Variants in POM121L2 observed in about 807,000 individuals in gnomAD.
POM121L2 encodes the protein POM121-like protein 2.
For synonymous variants in POM121L2, 459 were observed against 483.8 expected (o/e 0.95, Z 0.67); for missense variants, 1,167 against 1,260.3 (o/e 0.93, Z 1.12).
chr6:27,311,807 T>C lies in POM121L2; in HGVS notation c.364A>G (p.Ile122Val), dbSNP rs1209103550. ...GGCACTCTCTGGTCAGGAGGAGTGA[T>C]CCTGATGGTCACTGGGCTCCAAATT... ...RPIWSPVTIR[I>V]TPPDQRVPPS... is the part of the protein sequence containing the mutation. The change falls in exon 1 of 1, where the codon ATC becomes GTC. Residue 122 changes from isoleucine to valine, a missense_variant. Transcript: ENST00000444565. 2 of 1,551,754 alleles carry C rather than the reference T, an allele frequency of 1.3e-6. No individual in the cohort carries two copies. Among genetic ancestry groups the C allele is most frequent in the South Asian group, 2.4e-5 (2 of 84,066 alleles).
chr6:27,310,040 G>A, intron 1 of POM121L2: 1 of 1,552,220 alleles, frequency 6.4e-7, no homozygotes, highest in Non-Finnish European at 8.7e-7. Flanking sequence ...GGGGATATCT[G>A]TACAACACTG....
Position 27,311,589 on chromosome 6 carries a change from C to T in POM121L2, c.582G>A (p.Ser194=), listed in dbSNP as rs1275768293. The change falls in exon 1 of 1, where the codon TCG becomes TCA. Residue 194 remains serine, a synonymous_variant. Transcript: ENST00000444565. ...CATTTTTCATCAGGGGCTTAAATGCCGATGGTCTGGTCTCTGGACTCCTTC... is the reference window on the plus strand; with the variant it reads ...CATTTTTCATCAGGGGCTTAAATGCTGATGGTCTGGTCTCTGGACTCCTTC... ...SKRRSPETRP[S]AFKPLMKNGT... The T allele has an allele frequency of 7.7e-6, 12 of 1,551,704 alleles. No homozygotes were observed. The Admixed American group carries it at 1.6e-4, about 20-fold the overall frequency.
In POM121L2 at chr6:27,311,768, G is replaced by A. The variant is rs1760749616; in HGVS notation, c.403C>T (p.Pro135Ser). ...CCTGCAAGGGCAATTACATCTTCAG[G>A]AGAAGTGGAAGGGGGCACTCTCTGG... ...PDQRVPPSTS[P>S]EDVIALAGLP... The change falls in exon 1 of 1, where the codon CCT becomes TCT. Residue 135 changes from proline to serine, a missense_variant. Physicochemically the swap from Pro to Ser is moderately conservative, Grantham distance 74. Coordinates refer to ENST00000444565, the MANE Select transcript of POM121L2 (RefSeq NM_033482.4). 17 of 1,551,808 alleles carry A rather than the reference G, an allele frequency of 1.1e-5. No homozygotes were observed. Among genetic ancestry groups the A allele is most frequent in the Non-Finnish European group, 1.3e-5 (15 of 1,147,010 alleles).
chr6:27,312,055 T>C lies in POM121L2; in HGVS notation c.116A>G (p.His39Arg). 6.6e-7 allele frequency: 1 copy of C among 1,521,364 alleles called. No homozygotes were observed. Among genetic ancestry groups the C allele is most frequent in the South Asian group, 1.3e-5 (1 of 79,428 alleles). 94.2% of individuals were successfully genotyped at this position (1,521,364 alleles called of 1,614,324 possible). The part of the protein sequence containing the change: ...RRPPQPLHQV[H>R]RVQFVHRAHP... ...GGCGCGGTGGACGAACTGAACCCGATGAACTTGGTGAAGGGGCTGAGGTGG... is the reference window on the plus strand; with the variant it reads ...GGCGCGGTGGACGAACTGAACCCGACGAACTTGGTGAAGGGGCTGAGGTGG... The change falls in exon 1 of 1, where the codon CAT (histidine) becomes CGT (arginine). Residue 39 changes from histidine (H) to arginine (R), a missense_variant. Transcript: ENST00000444565. This position sits in a 1 kb window ranked among gnomAD's most constrained non-coding sequence, Gnocchi z 6.7.
In POM121L2 at chr6:27,308,460, G is replaced by C. The variant is rs1207045647; in HGVS notation, c.*603C>G. Among the ~76,000 whole-genome samples the C allele has an allele frequency of 1.3e-5, 2 of 152,144 alleles. No homozygotes were observed. The highest frequency in any genetic ancestry group is 4.8e-5 in the African/African-American group (2 of 41,430). On this transcript the variant is annotated 3_prime_UTR_variant, in exon 1 of 1. Coordinates refer to ENST00000444565, the MANE Select transcript of POM121L2 (RefSeq NM_033482.4). ...TTCTTCAACAGGTGAATGGATAAAT[G>C]AACTGTGGTATACTCATACAACTGA...
Position 27,309,854 on chromosome 6 carries a change from G to T in POM121L2, c.2317C>A (p.Gln773Lys), listed in dbSNP as rs868467473. ...CCATTTGTGGCACCAAATGCAGGCT[G>T]GGGATTAGCTCCTTGGGATAGTGGG... Reference protein sequence around the residue: ...PFPLSQGANPQPAFGATNGQK... With the variant: ...PFPLSQGANPKPAFGATNGQK... Residue 773 changes from glutamine to lysine, a missense_variant, in exon 1 of 1, where the codon CAG becomes AAG. By Grantham distance (53) the Gln-to-Lys change is moderately conservative. Coordinates refer to ENST00000444565, the MANE Select transcript of POM121L2 (RefSeq NM_033482.4). 3.9e-6 allele frequency: 6 copies of T among 1,551,640 alleles called. No individual in the cohort carries two copies.
At position 27,311,312 on chromosome 6, in the gene POM121L2, T is replaced by C. The variant is rs1441926858; in HGVS notation, c.859A>G (p.Lys287Glu). 5 of 1,551,558 alleles carry C rather than the reference T, an allele frequency of 3.2e-6. No individual in the cohort carries two copies. The highest frequency in any genetic ancestry group is 4.4e-6 in the Non-Finnish European group (5 of 1,147,016). The change falls in exon 1 of 1, where the codon AAA becomes GAA. Residue 287 changes from lysine (K) to glutamate (E), a missense_variant. Lys to Glu is a moderately conservative substitution (Grantham distance 56). Coordinates refer to ENST00000444565, the MANE Select transcript of POM121L2 (RefSeq NM_033482.4). ...VSFETPEWPI[K>E]KEKSCHRPSS... ...GGCCGATGACAACTTTTTTCCTTTTTTATTGGCCACTCTGGTGTCTCGAAT... is the reference window on the plus strand; with the variant it reads ...GGCCGATGACAACTTTTTTCCTTTTCTATTGGCCACTCTGGTGTCTCGAAT...
Position 27,310,723 on chromosome 6 carries a change from G to A in POM121L2, c.1448C>T (p.Pro483Leu), listed in dbSNP as rs1195433131. The change falls in exon 1 of 1, where the codon CCG becomes CTG. Residue 483 changes from proline (P) to leucine (L), a missense_variant. Physicochemically the swap from Pro to Leu is moderately conservative, Grantham distance 98. Transcript: ENST00000444565. Reference sequence around the variant, plus strand: ...CCTGTCAGCCTGAGAGGTTGAAGGCGGCCAGGTGGTGTCAGTAACTGGTAA... The same window carrying A: ...CCTGTCAGCCTGAGAGGTTGAAGGCAGCCAGGTGGTGTCAGTAACTGGTAA... ...PTLPVTDTTW[P>L]PSTSQADRSP... The A allele has an allele frequency of 5.2e-6, 8 of 1,551,786 alleles. No individual in the cohort carries two copies. The highest frequency in any genetic ancestry group is 2.4e-5 in the South Asian group (2 of 84,066).
Position 27,308,709 on chromosome 6 carries a change from C to T in POM121L2, c.*354G>A, listed in dbSNP as rs183979155. 2.0e-4 allele frequency among the ~76,000 whole-genome samples: 30 copies of T among 152,090 alleles called. No homozygotes were observed. Among genetic ancestry groups the T allele is most frequent in the African/African-American group, 6.5e-4 (27 of 41,490 alleles). On this transcript the variant is annotated 3_prime_UTR_variant, in exon 1 of 1. Transcript: ENST00000444565. ...CCAGCAGTAGGGATGGCAGGATGTA[C>T]GAAAAGATGTTCTAATTGATAGACA...
chr6:27,309,246 G>A lies in POM121L2; in HGVS notation c.2925C>T (p.Val975=), dbSNP rs762863472. ...TGCTGCCTGCCTTAGCTTGTCCAGG[G>A]ACTGGGGTGTTTTGAGCAATGGGGG... The part of the protein sequence containing the change: ...TMAPIAQNTP[V]PGQAKAGSSV... Residue 975 remains valine, a synonymous_variant, in exon 1 of 1, where the codon GTC becomes GTT. Coordinates refer to ENST00000444565, the MANE Select transcript of POM121L2 (RefSeq NM_033482.4). The A allele has an allele frequency of 2.1e-5, 32 of 1,551,716 alleles. No individual in the cohort carries two copies. Among genetic ancestry groups the A allele is most frequent in the Non-Finnish European group, 2.8e-5 (32 of 1,147,016 alleles).
rs1380795440 is a variant in POM121L2, at chr6:27,309,746, G to T, written c.2425C>A (p.Pro809Thr). The T allele has an allele frequency of 1.3e-6, 2 of 1,551,706 alleles. No individual in the cohort carries two copies. The highest frequency in any genetic ancestry group is 1.4e-5 in the African/African-American group (1 of 73,162). Reference protein sequence around the residue: ...FLFGSSAVALPTPMPTPAQPA... With the variant: ...FLFGSSAVALTTPMPTPAQPA... Reference sequence around the variant, plus strand: ...TGAGCTGGAGTTGGCATGGGGGTTGGCAATGCCACTGCTGAGCTCCCAAAA... The same window carrying T: ...TGAGCTGGAGTTGGCATGGGGGTTGTCAATGCCACTGCTGAGCTCCCAAAA... The change falls in exon 1 of 1, where the codon CCA becomes ACA. Residue 809 changes from proline (P) to threonine (T), a missense_variant. By Grantham distance (38) the Pro-to-Thr change is conservative. Transcript: ENST00000444565.
In POM121L2 at chr6:27,310,293, G is replaced by C. The variant is rs1760726754; in HGVS notation, c.1878C>G (p.Thr626=). The C allele has an allele frequency of 1.7e-5, 27 of 1,552,200 alleles. No homozygotes were observed. Among genetic ancestry groups the C allele is most frequent in the Non-Finnish European group, 2.2e-5 (25 of 1,147,136 alleles). ...LVKATSVVMS[T]TLASTSKDSV... ...AGTCTTTAGATGTGCTGGCTAGGGT[G>C]GTGGACATGACCACAGAGGTGGCCT... Residue 626 remains threonine (T), a synonymous_variant, in exon 1 of 1, where the codon ACC becomes ACG. Transcript: ENST00000444565.
At position 27,309,159 on chromosome 6, in the gene POM121L2, T is replaced by A. The variant is rs371296359; in HGVS notation, c.3012A>T (p.Arg1004Ser). Residue 1004 changes from arginine (R) to serine (S), a missense_variant, in exon 1 of 1, where the codon AGA (arginine) becomes AGT (serine). Physicochemically the swap from Arg to Ser is moderately radical, Grantham distance 110 (BLOSUM62 -1). Transcript: ENST00000444565. ...AQGSVGRGPF[R>S]SSASSFSIGA... Reference sequence around the variant, plus strand: ...CAATGGAAAATGAAGAGGCTGATGATCTAAAAGGTCCTCTCCCAACAGAGC... The same window carrying A: ...CAATGGAAAATGAAGAGGCTGATGAACTAAAAGGTCCTCTCCCAACAGAGC... 1 of 1,551,750 alleles carries A rather than the reference T, an allele frequency of 6.4e-7. No individual in the cohort carries two copies. Among genetic ancestry groups the A allele is most frequent in the Non-Finnish European group, 8.7e-7 (1 of 1,147,002 alleles).
Position 27,312,174 on chromosome 6 carries a change from G to T in POM121L2, c.-4C>A. ...GTTTGCTCAGGAAACTGCCCATGAG[G>T]AGAGATGAGGCGCGGGCAGTGAGTT... is the stretch of plus-strand genomic sequence containing the variant. On this transcript the variant is annotated 5_prime_UTR_variant, in exon 1 of 1. Coordinates refer to ENST00000444565, the MANE Select transcript of POM121L2 (RefSeq NM_033482.4). The surrounding 1 kb of genome is among the most constrained non-coding windows in gnomAD (Gnocchi z 6.7). The T allele has an allele frequency of 7.0e-7, 1 of 1,437,538 alleles. No individual in the cohort carries two copies. The highest frequency in any genetic ancestry group is 9.1e-7 in the Non-Finnish European group (1 of 1,094,296). 89.0% of individuals were successfully genotyped at this position (1,437,538 alleles called of 1,614,324 possible).
chr6:27,308,942 A>T lies in POM121L2; in HGVS notation c.*121T>A. ...GATGTAGATTAGGACACACAGTGTG[A>T]ACATCTAAAGCTCCAGTTTTAGATC... On this transcript the variant is annotated 3_prime_UTR_variant, in exon 1 of 1. Coordinates refer to ENST00000444565, the MANE Select transcript of POM121L2 (RefSeq NM_033482.4). 1 of 762,458 alleles carries T rather than the reference A, an allele frequency of 1.3e-6. No homozygotes were observed. 47.2% of individuals were successfully genotyped at this position (762,458 alleles called of 1,614,324 possible). A position where few individuals can be genotyped will look rare whatever the true frequency, so the allele number is the denominator to read the frequency against.
In POM121L2 at chr6:27,311,421, G is replaced by T; in HGVS notation, c.750C>A (p.Ser250Arg). Residue 250 changes from serine to arginine, a missense_variant, in exon 1 of 1, where the codon AGC becomes AGA. By Grantham distance (110) the Ser-to-Arg change is moderately radical. Coordinates refer to ENST00000444565, the MANE Select transcript of POM121L2 (RefSeq NM_033482.4). ...LASIYRGGTL[S>R]SKRNAIGSSY... is the part of the protein sequence containing the mutation. ...AGCTGCCAATAGCATTCCTTTTGGA[G>T]CTGAGGGTGCCACCTCTGTATATGC... 1 of 1,551,818 alleles carries T rather than the reference G, an allele frequency of 6.4e-7. No individual in the cohort carries two copies. Among genetic ancestry groups the T allele is most frequent in the Non-Finnish European group, 8.7e-7 (1 of 1,147,032 alleles).
In POM121L2 at chr6:27,309,378, G is replaced by A; in HGVS notation, c.2793C>T (p.Thr931=). ...IGALPSGTTN[T]MIPFGKGWSQ... ...TCCAGCCTTTTCCAAAGGGGATCAT[G>A]GTGTTAGTGGTCCCACTAGGCAATG... is the stretch of plus-strand genomic sequence containing the variant. Residue 931 remains threonine (T), a synonymous_variant, in exon 1 of 1, where the codon ACC becomes ACT. Coordinates refer to ENST00000444565, the MANE Select transcript of POM121L2 (RefSeq NM_033482.4). 6.4e-7 allele frequency: 1 copy of A among 1,551,630 alleles called. No individual in the cohort carries two copies. The highest frequency in any genetic ancestry group is 8.7e-7 in the Non-Finnish European group (1 of 1,146,962).
chr6:27,311,864 G>T lies in POM121L2; in HGVS notation c.307C>A (p.Arg103=), dbSNP rs1035983669. The T allele has an allele frequency of 3.2e-6, 5 of 1,551,612 alleles. No individual in the cohort carries two copies. In the African/African-American group the frequency reaches 5.5e-5, roughly 17 times the overall value. The change falls in exon 1 of 1, where the codon CGG becomes AGG. Residue 103 remains arginine, a synonymous_variant. Coordinates refer to ENST00000444565, the MANE Select transcript of POM121L2 (RefSeq NM_033482.4). ...GGATGTCGAAGAGACCAAATAGTCC[G>T]CTTTAAGTAACTTTCCCACCAGTCT... ...PSDWWESYLK[R]TIWSLRHPRP...
chr6:27,308,677 GTGTT>G lies in POM121L2; in HGVS notation c.*382_*385del, dbSNP rs1760702149. ...ATAGTGAGTAACAGAGAACATGTTA[GTGTT>G]TACCAGCAGTAGGGATGGCAGGATG... On this transcript the variant is annotated 3_prime_UTR_variant, in exon 1 of 1. Coordinates refer to ENST00000444565, the MANE Select transcript of POM121L2 (RefSeq NM_033482.4). Among the ~76,000 whole-genome samples, 1 of 152,192 alleles carries G rather than the reference GTGTT, an allele frequency of 6.6e-6. No homozygotes were observed. The highest frequency in any genetic ancestry group is 1.5e-5 in the Non-Finnish European group (1 of 68,030).
Sources: gnomAD v4.1 joint callset for allele counts (sites outside exome capture counted in the v4.1 genomes callset) on GRCh38, gnomAD v4.1.1 for gene constraint, Gnocchi (gnomAD v3.1) non-coding constraint, MANE v1.5 for transcripts, NCBI Gene and HGNC (gene_info 2026-07-23, HGNC 2026-07-21) for gene names.